Variants in ARHGEF26 observed in about 807,000 individuals in gnomAD.
The protein encoded by ARHGEF26 is Rho guanine nucleotide exchange factor (GEF) 26.
ARHGEF26 carries 59 observed loss-of-function variants against 89.4 expected under a neutral mutation model. The ratio of observed to expected loss-of-function variants is 0.66; its 90% CI spans 0.54 to 0.82. ARHGEF26 has a LOEUF of 0.82. Among genes scored for constraint, ARHGEF26 ranks in the 40% least tolerant of loss-of-function variants. ARHGEF26 has a pLI of 0.00. For synonymous variants in ARHGEF26, 500 were observed against 428.4 expected (o/e 1.17, Z -2.06); for missense variants, 1,234 against 1,085.6 (o/e 1.14, Z -1.92).
At position 154,149,814 on chromosome 3, in the gene ARHGEF26, G is replaced by T. The variant is rs570622230; in HGVS notation, c.1326+369G>T. 3.3e-5 allele frequency among the ~76,000 whole-genome samples: 5 copies of T among 151,918 alleles called. No homozygotes were observed. In the South Asian group the frequency reaches 1.0e-3, roughly 32 times the overall value. ...CTGTAGACAAATGTAGCCTATTTATGTAAGATACCCTAGGTTAGGGAAAGC... is the reference window on the plus strand; with the variant it reads ...CTGTAGACAAATGTAGCCTATTTATTTAAGATACCCTAGGTTAGGGAAAGC... On this transcript the variant is annotated intron_variant, in intron 5 of 14. Transcript: ENST00000465093.
At chr3:154,192,616 C>G (rs894872691) in intron 8 of ARHGEF26, among the ~76,000 whole-genome samples, 3 of 151,978 alleles carry the variant, frequency 2.0e-5, no homozygotes, top group Non-Finnish European at 2.9e-5. Context: ...TTTTTGAGAT[C>G]AGTATTTATC....
chr3:154,233,918 T>C (rs1716959763), intron 11 of ARHGEF26, among the ~76,000 whole-genome samples: 1 of 152,198 alleles, frequency 6.6e-6, no homozygotes, highest in African/African-American at 2.4e-5. Flanking sequence ...AGAAAAGCTA[T>C]GTGAATGTTC....
chr3:154,213,216 A>AGAGTGTGTGTGTGTGT (rs1553747872), intron 9 of ARHGEF26, among the ~76,000 whole-genome samples: 4 of 141,930 alleles, frequency 2.8e-5, no homozygotes, highest in African/African-American at 1.0e-4. Context: ...AGAGAGAGAG[A>AGAGTGTGTGTGTGTGT]GTGTGTGTGT....
intron 9 of ARHGEF26, among the ~76,000 whole-genome samples, chr3:154,216,261 A>G (rs1402232366): frequency 6.6e-6 from 1 of 151,856 alleles, no homozygotes; most frequent in African/African-American, 2.4e-5. Flanking sequence ...TTTCCAGTTA[A>G]TGAGATACTT....
intron 6 of ARHGEF26, among the ~76,000 whole-genome samples, chr3:154,181,361 A>G (rs1185970826): frequency 1.3e-5 from 2 of 152,192 alleles, no homozygotes; most frequent in Non-Finnish European, 2.9e-5. Flanking sequence ...CTAAGTGAAT[A>G]TGACCTTCTC....
chr3:154,249,023 A>G (rs1378786835), intron 12 of ARHGEF26, among the ~76,000 whole-genome samples: 2 of 152,260 alleles, frequency 1.3e-5, no homozygotes, highest in Admixed American at 6.5e-5. Context: ...AGAGAAATCA[A>G]AAGGAACCAC....
intron 6 of ARHGEF26, among the ~76,000 whole-genome samples, chr3:154,154,424 A>G (rs1720204380): frequency 6.6e-6 from 1 of 152,056 alleles, no homozygotes; most frequent in Non-Finnish European, 1.5e-5. Flanking sequence ...AACTAGATAT[A>G]TTAAAAGCCC....
At chr3:154,149,843 A>T (rs1719911947) in intron 5 of ARHGEF26, among the ~76,000 whole-genome samples, 1 of 152,014 alleles carries the variant, frequency 6.6e-6, no homozygotes. Context: ...GGAAAGCTGG[A>T]TGTAGCATAC....
intron 9 of ARHGEF26, among the ~76,000 whole-genome samples, chr3:154,202,580 A>C (rs1714717788): frequency 1.3e-5 from 2 of 152,118 alleles, no homozygotes; most frequent in Non-Finnish European, 2.9e-5. Flanking sequence ...TGAATCTATG[A>C]ATTACCTTGG....
chr3:154,166,418 A>AGG (rs1712042312), intron 6 of ARHGEF26, among the ~76,000 whole-genome samples: 1 of 152,182 alleles, frequency 6.6e-6, no homozygotes, highest in Non-Finnish European at 1.5e-5. Flanking sequence ...GAGGATAGGA[A>AGG]GGTAACGTAT....
chr3:154,254,868 A>G (rs1718392359), intron 14 of ARHGEF26, 44 bp downstream of exon 14: 5 of 1,509,230 alleles, frequency 3.3e-6, no homozygotes, highest in Non-Finnish European at 4.6e-6. Flanking sequence ...TCCAGGATGC[A>G]GAGTGCTATA....
At chr3:154,169,723 T>C (rs981093491) in intron 6 of ARHGEF26, among the ~76,000 whole-genome samples, 11 of 152,220 alleles carry the variant, frequency 7.2e-5, no homozygotes, top group African/African-American at 2.7e-4. Flanking sequence ...ACTGCAGTGA[T>C]AGTGCCATTG....
chr3:154,168,751 A>T (rs2108133785), intron 6 of ARHGEF26, among the ~76,000 whole-genome samples: 1 of 152,328 alleles, frequency 6.6e-6, no homozygotes, highest in African/African-American at 2.4e-5. Context: ...AGATACAGGC[A>T]AATAAAAATG....
In ARHGEF26 at chr3:154,122,234, C is replaced by T. The variant is rs1191740871; in HGVS notation, c.242C>T (p.Pro81Leu). The change falls in exon 2 of 15, where the codon CCC becomes CTC. Residue 81 changes from proline to leucine, a missense_variant. By Grantham distance (98) the Pro-to-Leu change is moderately conservative. Coordinates refer to ENST00000465093, the MANE Select transcript of ARHGEF26 (RefSeq NM_015595.4). ...ASDSRTVHRS[P>L]LLLGAQRRAV... is the part of the protein sequence containing the mutation. ...GACAGCAGGACGGTACATAGGAGCC[C>T]CCTGCTTCTGGGCGCCCAGCGGAGA... is the stretch of plus-strand genomic sequence containing the variant. The T allele has an allele frequency of 2.5e-6, 4 of 1,610,240 alleles. No homozygotes were observed. The African/African-American group carries it at 5.3e-5, about 22-fold the overall frequency.
chr3:154,124,575 T>A (rs1355767099), intron 3 of ARHGEF26, 126 bp downstream of exon 3: 2 of 876,700 alleles, frequency 2.3e-6, no homozygotes, highest in African/African-American at 3.5e-5. Flanking sequence ...TCTCAAATTA[T>A]ACAGTCCAAA....
chr3:154,152,649 C>A, intron 5 of ARHGEF26, 123 bp from the exon 6 acceptor site: 1 of 631,256 alleles, frequency 1.6e-6, no homozygotes, highest in South Asian at 6.3e-5. Context: ...TCTTTTTGTA[C>A]TTTCCAAGAT....
chr3:154,133,389 A>G (rs561026678), intron 4 of ARHGEF26, among the ~76,000 whole-genome samples: 2 of 152,242 alleles, frequency 1.3e-5, no homozygotes, highest in East Asian at 3.9e-4. Flanking sequence ...AGAATAATAA[A>G]TGATAGTCAT....
intron 4 of ARHGEF26, among the ~76,000 whole-genome samples, chr3:154,146,144 C>G (rs1468723328): frequency 6.6e-6 from 1 of 152,198 alleles, no homozygotes; most frequent in Non-Finnish European, 1.5e-5. Context: ...AGTCCAAAAT[C>G]AAGGCAGATT....
intron 11 of ARHGEF26, among the ~76,000 whole-genome samples, chr3:154,239,288 GA>G: frequency 2.0e-5 from 2 of 98,344 alleles, no homozygotes; most frequent in African/African-American, 4.0e-5. Context: ...GAGAGAGAGA[GA>G]GAGAGAGAGA....
Sources: allele counts gnomAD v4.1 joint callset (sites outside exome capture counted in the v4.1 genomes callset), GRCh38; gene constraint gnomAD v4.1.1; transcripts MANE v1.5; gene names NCBI Gene and HGNC (gene_info 2026-07-23, HGNC 2026-07-21).